Variants in NLE1 observed in about 807,000 individuals in gnomAD.
NLE1 encodes notchless protein homolog 1.
In NLE1, 37 loss-of-function variants were observed where a neutral mutation model predicts 62.8. The ratio of observed to expected loss-of-function variants is 0.59; its 90% CI spans 0.45 to 0.78. The LOEUF (loss-of-function observed/expected upper bound fraction) is 0.78, where lower values mean the gene tolerates loss of function less well. Among genes scored for constraint, NLE1 ranks in the 30% least tolerant of loss-of-function variants. The probability of loss-of-function intolerance (pLI) is 0.00; values close to 1 mark genes in which losing one functional copy is unlikely to be tolerated. For missense variants in NLE1, 555 were observed against 637.9 expected, an observed-to-expected ratio of 0.87 and a Z score of 1.40; for synonymous variants, 243 against 253.0, an observed-to-expected ratio of 0.96 and a Z score of 0.37.
chr17:35,136,139 TA>T, intron 9 of NLE1, 29 bp downstream of exon 9: 3 of 1,613,050 alleles, frequency 1.9e-6, no homozygotes, highest in Non-Finnish European at 2.5e-6. Flanking sequence ...GGTACAGAGC[TA>T]GGGGTGCACG....
Position 35,134,728 on chromosome 17 carries a change from T to C in NLE1, c.1214+521A>G, listed in dbSNP as rs116388279. 7.7e-3 allele frequency among the ~76,000 whole-genome samples: 1,176 copies of C among 152,250 alleles called. 19 individuals carry two copies. Among genetic ancestry groups the C allele is most frequent in the African/African-American group, 0.027 (1,132 of 41,556 alleles). On this transcript the variant is annotated intron_variant, in intron 10 of 12. Coordinates refer to ENST00000442241, the MANE Select transcript of NLE1 (RefSeq NM_018096.5). Reference sequence around the variant, plus strand: ...ACTAGCATTTTTAGTGACCACTTAGTGCGGGTCCTAAACATACTGTCTCAT... The same window carrying C: ...ACTAGCATTTTTAGTGACCACTTAGCGCGGGTCCTAAACATACTGTCTCAT...
intron 1 of NLE1, 39 bp from the exon 2 acceptor site, chr17:35,142,161 C>T (rs1336253807): frequency 6.2e-7 from 1 of 1,606,020 alleles, no homozygotes; most frequent in African/African-American, 1.3e-5. Flanking sequence ...TCTGGTCGCC[C>T]GCCCAGAAGG....
Position 35,129,989 on chromosome 17 carries a change from A to G in NLE1, c.*2448T>C. 1 of 1,378,280 alleles carries G rather than the reference A, an allele frequency of 7.3e-7. No homozygotes were observed. The highest frequency in any genetic ancestry group is 9.4e-7 in the Non-Finnish European group (1 of 1,067,200). The allele number at this position is 1,378,280 out of a possible 1,614,324, so 85.4% of individuals were successfully genotyped here. A position where few individuals can be genotyped will look rare whatever the true frequency, so the allele number is the denominator to read the frequency against. ...GTCAAGGGCATTGAAAGAAATAGGG[A>G]AGACAAGAGGCTAAAGGGGGACGAA... On this transcript the variant is annotated 3_prime_UTR_variant, in exon 13 of 13. Coordinates refer to ENST00000442241, the MANE Select transcript of NLE1 (RefSeq NM_018096.5).
rs1005399727 is a variant in NLE1, at chr17:35,131,651, C to A, written c.*786G>T. ...CCCGCTCTATCCCATGGGCCCAGGG[C>A]AGTGCTTGGTGCCTGGCAGGGCCTC... On this transcript the variant is annotated 3_prime_UTR_variant, in exon 13 of 13. Coordinates refer to ENST00000442241, the MANE Select transcript of NLE1 (RefSeq NM_018096.5). The A allele has an allele frequency of 1.3e-5, 2 of 152,340 alleles. No individual in the cohort carries two copies. Among genetic ancestry groups the A allele is most frequent in the East Asian group, 1.9e-4 (1 of 5,194 alleles). The allele number at this position is 152,340 out of a possible 1,614,324, so 9.4% of individuals were successfully genotyped here.
At chr17:35,137,700 C>T in intron 5 of NLE1, 60 bp from the exon 6 acceptor site, 1 of 1,522,512 alleles carries the variant, frequency 6.6e-7, no homozygotes, top group Non-Finnish European at 9.0e-7. Context: ...CCACCAAAAT[C>T]CCTGCCTACC....
intron 12 of NLE1, 47 bp downstream of exon 12, chr17:35,133,123 AG>A: frequency 6.5e-7 from 1 of 1,543,598 alleles, no homozygotes; most frequent in Non-Finnish European, 9.0e-7. Flanking sequence ...GAAGGACCTT[AG>A]GGGTAGGAGG....
In NLE1 at chr17:35,130,152, A is replaced by G. The variant is rs2142495956; in HGVS notation, c.*2285T>C. 5.5e-6 allele frequency: 8 copies of G among 1,459,118 alleles called. 2 individuals are homozygous for G. The South Asian group carries it at 5.8e-5, about 11-fold the overall frequency. The allele number at this position is 1,459,118 out of a possible 1,614,324, so 90.4% of individuals were successfully genotyped here. ...ATCTTTGCACCTGTTTCCTGCGTCA[A>G]TGGCTAGGTTGGATAAGGCTGTTTA... On this transcript the variant is annotated 3_prime_UTR_variant, in exon 13 of 13. Transcript: ENST00000442241.
At chr17:35,138,149 T>C (rs1207040168) in intron 4 of NLE1, among the ~76,000 whole-genome samples, 2 of 152,202 alleles carry the variant, frequency 1.3e-5, no homozygotes, top group Non-Finnish European at 2.9e-5. Flanking sequence ...GTACATGTCA[T>C]CCCTTGTTAT....
intron 6 of NLE1, 112 bp downstream of exon 6, chr17:35,137,431 A>G: frequency 1.1e-6 from 1 of 947,118 alleles, no homozygotes; most frequent in Non-Finnish European, 1.6e-6. Context: ...CATCACGGTC[A>G]TTCAGGCTGC....
In NLE1 at chr17:35,130,505, GAGACC is replaced by G; in HGVS notation, c.*1927_*1931del. On this transcript the variant is annotated 3_prime_UTR_variant, in exon 13 of 13. Transcript: ENST00000442241. Reference sequence around the variant, plus strand: ...CCAGGCCCTCAGAAACCAGAGCCATGAGACCTACCATACCACCAGCACCCTGCGGG... The same window carrying G: ...CCAGGCCCTCAGAAACCAGAGCCATGTACCATACCACCAGCACCCTGCGGG... 1 of 1,502,966 alleles carries G rather than the reference GAGACC, an allele frequency of 6.7e-7. No homozygotes were observed. The highest frequency in any genetic ancestry group is 9.1e-7 in the Non-Finnish European group (1 of 1,101,536). The allele number at this position is 1,502,966 out of a possible 1,614,324, so 93.1% of individuals were successfully genotyped here. A position where few individuals can be genotyped will look rare whatever the true frequency, so the allele number is the denominator to read the frequency against.
chr17:35,135,607 G>A lies in NLE1; in HGVS notation c.1012-156C>T, dbSNP rs536516440. On this transcript the variant is annotated intron_variant, in intron 9 of 12. Coordinates refer to ENST00000442241, the MANE Select transcript of NLE1 (RefSeq NM_018096.5). ...TGAGGACTGGCTTGGCCACTCACTC[G>A]CATGTGACCCCAGGCAAGTCACTTC... Among the ~76,000 whole-genome samples, 24 of 152,248 alleles carry A rather than the reference G, an allele frequency of 1.6e-4. 1 individual carries two copies. The highest frequency in any genetic ancestry group is 3.9e-4 in the East Asian group (2 of 5,192).
rs2091916901 is a variant in NLE1 at position 35,137,565 on chromosome 17, G to C, written c.613C>G (p.Leu205Val). The change falls in exon 6 of 13, where the codon CTG becomes GTG. Residue 205 changes from leucine to valine, a missense_variant. By Grantham distance (32) the Leu-to-Val change is conservative. Transcript: ENST00000442241. ...LAGHSKWITG[L>V]SWEPLHANPE... Reference sequence around the variant, plus strand: ...TACGCATGGAGGGGCTCCCAGCTCAGGCCTGTGATCCACTTGCTGTGGCCA... The same window carrying C: ...TACGCATGGAGGGGCTCCCAGCTCACGCCTGTGATCCACTTGCTGTGGCCA... The C allele has an allele frequency of 1.2e-6, 2 of 1,609,912 alleles. No individual in the cohort carries two copies. The highest frequency in any genetic ancestry group is 2.7e-5 in the African/African-American group (2 of 74,924).
rs200716610 is a variant in NLE1 at position 35,133,402 on chromosome 17, T to C, written c.1311A>G (p.Thr437=). ...GGGCCTTCACATCCCACACCTTCAG[T>C]GTGCTGTCACTGCTGCCGCTGACCA... The part of the protein sequence containing the change: ...RLLVSGSSDS[T]LKVWDVKAQK... The change falls in exon 11 of 13, where the codon ACA becomes ACG. Residue 437 remains threonine (T), a synonymous_variant. Coordinates refer to ENST00000442241, the MANE Select transcript of NLE1 (RefSeq NM_018096.5). 3 of 1,614,154 alleles carry C rather than the reference T, an allele frequency of 1.9e-6. No individual in the cohort carries two copies. The African/African-American group carries it at 4.0e-5, about 22-fold the overall frequency.
In NLE1 at chr17:35,132,110, G is replaced by A. The variant is rs969607483; in HGVS notation, c.*327C>T. 35 of 255,352 alleles carry A rather than the reference G, an allele frequency of 1.4e-4. No individual in the cohort carries two copies. The highest frequency in any genetic ancestry group is 5.5e-5 in the Admixed American group (1 of 18,194). 15.8% of individuals were successfully genotyped at this position (255,352 alleles called of 1,614,324 possible). On this transcript the variant is annotated 3_prime_UTR_variant, in exon 13 of 13. Coordinates refer to ENST00000442241, the MANE Select transcript of NLE1 (RefSeq NM_018096.5). The stretch of plus-strand genomic sequence containing the variant: ...GTCATAGAACCTGGGATCTGACCCT[G>A]TACAGAGCTGACACTAGGGGCCCAC...
At chr17:35,139,354 A>G (rs1348289479) in intron 3 of NLE1, 40 bp from the exon 4 acceptor site, 2 of 1,507,042 alleles carry the variant, frequency 1.3e-6, no homozygotes, top group African/African-American at 1.4e-5. Context: ...GCACATGTGC[A>G]TTTGTGCCAC....
rs1431848057 is a variant in NLE1 at position 35,137,128 on chromosome 17, G to A, written c.701C>T (p.Thr234Ile). 2 of 1,613,940 alleles carry A rather than the reference G, an allele frequency of 1.2e-6. No individual in the cohort carries two copies. The highest frequency in any genetic ancestry group is 1.7e-6 in the Non-Finnish European group (2 of 1,179,938). ...KDGSVRIWDT[T>I]AGRCERILTG... ...GAGGATGCGCTCACAGCGGCCTGCA[G>A]TTGTGTCCCAGATCCGCACACTGCC... Residue 234 changes from threonine (T) to isoleucine (I), a missense_variant, in exon 7 of 13, where the codon ACT becomes ATT. Transcript: ENST00000442241.
rs1218953625 is a variant in NLE1, at chr17:35,129,628, T to C, written c.*2809A>G. The C allele has an allele frequency of 6.2e-7, 1 of 1,613,970 alleles. No homozygotes were observed. The highest frequency in any genetic ancestry group is 2.2e-5 in the East Asian group (1 of 44,866). On this transcript the variant is annotated 3_prime_UTR_variant, in exon 13 of 13. Coordinates refer to ENST00000442241, the MANE Select transcript of NLE1 (RefSeq NM_018096.5). ...TCAGTGTCCGTGCAGCCAACACAGC[T>C]GGGGTGGGGAAGTGGTGCAAGCCCT...
intron 12 of NLE1, 124 bp downstream of exon 12, chr17:35,133,047 C>T: frequency 2.1e-6 from 2 of 966,938 alleles, no homozygotes; most frequent in Non-Finnish European, 3.3e-6. Flanking sequence ...CCACACGCCT[C>T]CTCAAGACAG....
chr17:35,130,126 C>T lies in NLE1; in HGVS notation c.*2311G>A, dbSNP rs935900407. On this transcript the variant is annotated 3_prime_UTR_variant, in exon 13 of 13. Transcript: ENST00000442241. ...TGAGGAGGTACAGGCTTGAGTCATGCATCTTTGCACCTGTTTCCTGCGTCA... is the reference window on the plus strand; with the variant it reads ...TGAGGAGGTACAGGCTTGAGTCATGTATCTTTGCACCTGTTTCCTGCGTCA... 1.2e-5 allele frequency: 18 copies of T among 1,441,238 alleles called. No homozygotes were observed. In the Middle Eastern group the frequency reaches 6.0e-4, roughly 48 times the overall value. The allele number at this position is 1,441,238 out of a possible 1,614,324, so 89.3% of individuals were successfully genotyped here.
Sources: allele counts gnomAD v4.1 joint callset (sites outside exome capture counted in the v4.1 genomes callset), GRCh38; gene constraint gnomAD v4.1.1; transcripts MANE v1.5; gene names NCBI Gene and HGNC (gene_info 2026-07-23, HGNC 2026-07-21).